Variants in CAPN8 observed in about 807,000 individuals in gnomAD.
CAPN8 encodes the protein calpain 8.
In CAPN8, 87 loss-of-function variants were observed where a neutral mutation model predicts 80.9. The observed-to-expected ratio is 1.07, with a 90% CI of 0.90 to 1.28. CAPN8 has a LOEUF of 1.28. CAPN8 is among the 50% of genes most tolerant of loss of function. The probability of loss-of-function intolerance (pLI) is 0.00; values close to 1 mark genes in which losing one functional copy is unlikely to be tolerated. For missense variants in CAPN8, 757 were observed against 702.0 expected (o/e 1.08, Z -0.89); for synonymous variants, 299 against 273.8 (o/e 1.09, Z -0.91).
intron 7 of CAPN8, among the ~76,000 whole-genome samples, chr1:223,622,349 C>T (rs999588298): frequency 2.6e-5 from 4 of 152,182 alleles, no homozygotes; most frequent in African/African-American, 9.7e-5. Context: ...GCGAGTGCCG[C>T]TGCCTCATTC....
At chr1:223,654,477 T>G in intron 1 of CAPN8, 78 bp from the exon 2 acceptor site, 1 of 1,317,806 alleles carries the variant, frequency 7.6e-7, no homozygotes, top group Non-Finnish European at 1.1e-6. Context: ...AACATCAGAG[T>G]CCCAGGTTGC....
At chr1:223,628,869 C>T (rs1386635840) in intron 2 of CAPN8, 89 bp from the exon 3 acceptor site, 1 of 1,008,006 alleles carries the variant, frequency 9.9e-7, no homozygotes, top group Admixed American at 2.5e-5. Context: ...AACCCAGAGT[C>T]CACGTTGCCA....
At chr1:223,626,195 GGCTAATTCT>G (rs1657571930) in intron 5 of CAPN8, among the ~76,000 whole-genome samples, 1 of 152,008 alleles carries the variant, frequency 6.6e-6, no homozygotes, top group African/African-American at 2.4e-5. Flanking sequence ...GCCTGAAGAA[GGCTAATTCT>G]CCATGCTGAT....
At position 223,620,237 on chromosome 1, in the gene CAPN8, CG is replaced by C. The variant is rs745736653; in HGVS notation, c.928del (p.Arg310GlyfsTer23). Reference sequence around the variant, plus strand: ...TTTCTTGTCCAGTTCTTCCTTCCGCCGGGGGTCTATGTGATTCCACTCTGGT... The same window carrying C: ...TTTCTTGTCCAGTTCTTCCTTCCGCCGGGGTCTATGTGATTCCACTCTGGT... ...DAPEWNHIDP[R>X]RKEELDKKVE... On this transcript the variant is annotated frameshift_variant, in exon 8 of 21. Coordinates refer to ENST00000366872, the MANE Select transcript of CAPN8 (RefSeq NM_001143962.2). LOFTEE classifies it high-confidence loss of function. The C allele has an allele frequency of 1.3e-6, 2 of 1,551,604 alleles. No individual in the cohort carries two copies. Among genetic ancestry groups the C allele is most frequent in the South Asian group, 1.2e-5 (1 of 84,052 alleles).
intron 6 of CAPN8, among the ~76,000 whole-genome samples, chr1:223,624,713 C>CTAAATAAATAAATAAATAAA (rs71740935): frequency 4.9e-5 from 7 of 141,886 alleles, no homozygotes; most frequent in South Asian, 2.3e-4. Flanking sequence ...GACCCTGTCT[C>CTAAATAAATAAATAAATAAA]TAAATAAATA....
chr1:223,638,541 T>C (rs569475580), intron 2 of CAPN8, among the ~76,000 whole-genome samples: 3 of 152,224 alleles, frequency 2.0e-5, no homozygotes, highest in Non-Finnish European at 4.4e-5. Flanking sequence ...CCCGCCTGAG[T>C]ATAATCTCTC....
At chr1:223,548,950 G>A (rs1656707108) in intron 16 of CAPN8, among the ~76,000 whole-genome samples, 2 of 150,550 alleles carry the variant, frequency 1.3e-5, no homozygotes, top group South Asian at 4.3e-4. Context: ...GGGTGGGGGT[G>A]GGGACGGGTA....
In CAPN8 at chr1:223,545,436, G is replaced by A. The variant is rs1342683397; in HGVS notation, c.1765-137C>T. The A allele has an allele frequency of 6.7e-6, 9 of 1,341,146 alleles. No individual in the cohort carries two copies. The East Asian group carries it at 1.0e-4, about 15-fold the overall frequency. 83.1% of individuals were successfully genotyped at this position (1,341,146 alleles called of 1,614,324 possible). ...CTGTGGCAAGCAGAGCAGTGGGGGT[G>A]ACGGTGTGTAACAGGTTCAAATAAA... On this transcript the variant is annotated intron_variant, in intron 16 of 20. Coordinates refer to ENST00000366872, the MANE Select transcript of CAPN8 (RefSeq NM_001143962.2).
intron 2 of CAPN8, among the ~76,000 whole-genome samples, chr1:223,646,372 G>A (rs1050201339): frequency 1.3e-5 from 2 of 152,204 alleles, no homozygotes; most frequent in African/African-American, 2.4e-5. Context: ...AGAACTGAGG[G>A]TGTACATCTC....
At chr1:223,623,316 C>A (rs1021311538) in intron 6 of CAPN8, among the ~76,000 whole-genome samples, 1 of 152,174 alleles carries the variant, frequency 6.6e-6, no homozygotes, top group Non-Finnish European at 1.5e-5. Context: ...ATTTTAGGTG[C>A]TTTATTGCCT....
intron 13 of CAPN8, among the ~76,000 whole-genome samples, chr1:223,556,786 T>C (rs1018522273): frequency 2.0e-5 from 3 of 152,156 alleles, no homozygotes; most frequent in Non-Finnish European, 2.9e-5. Context: ...AGATAATTCT[T>C]AGCACCTGAA....
At position 223,543,118 on chromosome 1, in the gene CAPN8, G is replaced by A; in HGVS notation, c.2078C>T (p.Ser693Phe). Reference sequence around the variant, plus strand: ...CCTCAGGACATTCACCTCGGCCAGAGAGAGCTGAACCATGCCATCCTTGTC... The same window carrying A: ...CCTCAGGACATTCACCTCGGCCAGAAAGAGCTGAACCATGCCATCCTTGTC... ...DEDKDGMVQLSLAEWLCCVLV is the reference protein window; with the variant it reads ...DEDKDGMVQLFLAEWLCCVLV The change falls in exon 20 of 21, where the codon TCT becomes TTT. Residue 693 changes from serine to phenylalanine, a missense_variant. Physicochemically the swap from Ser to Phe is radical, Grantham distance 155. Transcript: ENST00000366872. The A allele has an allele frequency of 6.4e-7, 1 of 1,551,694 alleles. No individual in the cohort carries two copies. Among genetic ancestry groups the A allele is most frequent in the Non-Finnish European group, 8.7e-7 (1 of 1,146,992 alleles).
In CAPN8 at chr1:223,628,105, T is replaced by G; in HGVS notation, c.464A>C (p.Asp155Ala). ...QYGEWVEVVI[D>A]DRLPTKNGQL... ...TCCATTCTTGGTGGGCAGCCTGTCGTCAATGACCACCTCCACCCACTCTCC... is the reference window on the plus strand; with the variant it reads ...TCCATTCTTGGTGGGCAGCCTGTCGGCAATGACCACCTCCACCCACTCTCC... The change falls in exon 4 of 21, where the codon GAC (aspartate) becomes GCC (alanine). Residue 155 changes from aspartate (D) to alanine (A), a missense_variant. Physicochemically the swap from Asp to Ala is moderately radical, Grantham distance 126. Coordinates refer to ENST00000366872, the MANE Select transcript of CAPN8 (RefSeq NM_001143962.2). 6.4e-7 allele frequency: 1 copy of G among 1,551,116 alleles called. No individual in the cohort carries two copies. Among genetic ancestry groups the G allele is most frequent in the Non-Finnish European group, 8.7e-7 (1 of 1,146,800 alleles).
At chr1:223,628,592 C>T (rs935504220) in intron 3 of CAPN8, 70 bp downstream of exon 3, 50 of 1,216,148 alleles carry the variant, frequency 4.1e-5, no homozygotes, top group Non-Finnish European at 4.4e-5. Context: ...GAATTTCTGA[C>T]GCAGTGGACC....
At position 223,629,338 on chromosome 1, in the gene CAPN8, T is replaced by C. The variant is rs770035272; in HGVS notation, c.308-558A>G. On this transcript the variant is annotated intron_variant, in intron 2 of 20. Transcript: ENST00000366872. ...TCAGAGTTCACCAGGAGAGCCTTGA[T>C]GCCTTATTGCTTAAAGTTCCCTTGA... Among the ~76,000 whole-genome samples the C allele has an allele frequency of 2.6e-4, 40 of 152,248 alleles. 1 individual carries two copies. The highest frequency in any genetic ancestry group is 3.4e-3 in the Middle Eastern group (1 of 294).
chr1:223,650,039 T>C (rs1302299319), intron 2 of CAPN8, among the ~76,000 whole-genome samples: 1 of 152,194 alleles, frequency 6.6e-6, no homozygotes, highest in South Asian at 2.1e-4. Flanking sequence ...AGGCCAGAGG[T>C]GCACCAAGAA....
chr1:223,615,723 T>C, intron 10 of CAPN8: 1 of 619,568 alleles, frequency 1.6e-6, no homozygotes, highest in Non-Finnish European at 3.0e-6. Flanking sequence ...GAGCCCTCAA[T>C]GACAGGCAAA....
chr1:223,611,565 C>T (rs947869372), intron 11 of CAPN8, among the ~76,000 whole-genome samples: 1 of 152,214 alleles, frequency 6.6e-6, no homozygotes, highest in Non-Finnish European at 1.5e-5. Flanking sequence ...TCTACCCTGC[C>T]ACTTCAATAA....
chr1:223,613,241 C>T (rs1657080052), intron 10 of CAPN8, among the ~76,000 whole-genome samples: 1 of 152,254 alleles, frequency 6.6e-6, no homozygotes, highest in Admixed American at 6.5e-5. Flanking sequence ...CTGGCATGCT[C>T]ACTTCTGGAG....
Sources: allele counts gnomAD v4.1 joint callset (sites outside exome capture counted in the v4.1 genomes callset), GRCh38; gene constraint gnomAD v4.1.1; transcripts MANE v1.5; gene names NCBI Gene and HGNC (gene_info 2026-07-23, HGNC 2026-07-21).